SH3D21: variants seen among roughly 807,000 people sequenced by gnomAD.
SH3D21 encodes the protein manchette microtubule inner protein 1, also known as SH3 domain-containing protein 21.
Under a neutral mutation model 82.1 loss-of-function variants are expected in SH3D21, and 83 were observed. That is an observed-to-expected ratio of 1.01 (90% CI 0.85 to 1.21). The LOEUF is 1.21. Ranked by LOEUF, SH3D21 falls within the 50% of genes most tolerant of loss-of-function variation. SH3D21 has a pLI of 0.00. For missense variants in SH3D21, 980 were observed against 962.1 expected, an observed-to-expected ratio of 1.02 and a Z score of -0.25; for synonymous variants, 383 against 387.8, an observed-to-expected ratio of 0.99 and a Z score of 0.15.
rs1290274064 is a variant in SH3D21 at position 36,306,464 on chromosome 1, G to A, written c.4+40G>A. 1.5e-6 allele frequency: 2 copies of A among 1,305,252 alleles called. No homozygotes were observed. Among genetic ancestry groups the A allele is most frequent in the African/African-American group, 1.5e-5 (1 of 65,864 alleles). 80.9% of individuals were successfully genotyped at this position (1,305,252 alleles called of 1,614,324 possible). A position where few individuals can be genotyped will look rare whatever the true frequency, so the allele number is the denominator to read the frequency against. ...TTTGAGGTGGCCTCTCTCTGCAACC[G>A]TGGACATAGCAAGAGCCCACACCAC... On this transcript the variant is annotated intron_variant, in intron 1 of 15. Transcript: ENST00000453908. This position sits in a 1 kb window ranked among gnomAD's most constrained non-coding sequence, Gnocchi z 4.5.
rs78549594 is a variant in SH3D21, at chr1:36,319,622, C to T, written c.1012-53C>T. 38 of 1,548,256 alleles carry T rather than the reference C, an allele frequency of 2.5e-5. No individual in the cohort carries two copies. The African/African-American group carries it at 3.6e-4, about 15-fold the overall frequency. On this transcript the variant is annotated intron_variant, in intron 13 of 15. Coordinates refer to ENST00000453908, the MANE Select transcript of SH3D21 (RefSeq NM_001162530.2). Reference sequence around the variant, plus strand: ...GTGTGCACGGGTGAAGTCTCCCAGGCCAAGGGGAACCAGACTCAACCTCAG... The same window carrying T: ...GTGTGCACGGGTGAAGTCTCCCAGGTCAAGGGGAACCAGACTCAACCTCAG...
intron 9 of SH3D21, 42 bp downstream of exon 9, chr1:36,308,517 A>G: frequency 2.0e-6 from 3 of 1,525,250 alleles, no homozygotes; most frequent in East Asian, 2.5e-5. Context: ...GGGGCAGGCT[A>G]TTTTGGACAA....
downstream of SH3D21, among the ~76,000 whole-genome samples, chr1:36,325,541 T>G (rs186447309): frequency 5.9e-4 from 89 of 152,110 alleles, no homozygotes; most frequent in East Asian, 1.7e-3. Flanking sequence ...CAGTTTTTTT[T>G]TTGTTGTTTG....
intron 10 of SH3D21, among the ~76,000 whole-genome samples, chr1:36,310,114 T>C (rs1175669425): frequency 6.6e-6 from 1 of 151,544 alleles, no homozygotes; most frequent in Admixed American, 6.6e-5. Context: ...GCCACCACGC[T>C]CAGCTAATTT....
Position 36,311,613 on chromosome 1 carries a change from T to G in SH3D21, c.769+2023T>G, listed in dbSNP as rs557351702. On this transcript the variant is annotated intron_variant, in intron 10 of 15. Coordinates refer to ENST00000453908, the MANE Select transcript of SH3D21 (RefSeq NM_001162530.2). ...GTAGTGATTTTAATGAGTGATACAA[T>G]TATACCTTTTTCCCTATGGACAATG... Among the ~76,000 whole-genome samples, 414 of 152,350 alleles carry G rather than the reference T, an allele frequency of 2.7e-3. 4 individuals are homozygous for G. The highest frequency in any genetic ancestry group is 9.4e-3 in the African/African-American group (393 of 41,590).
intron 10 of SH3D21, among the ~76,000 whole-genome samples, chr1:36,313,617 G>A (rs1646282204): frequency 6.6e-6 from 1 of 152,010 alleles, no homozygotes. Context: ...TGTTGCCTAG[G>A]CTGGAGTGTG....
chr1:36,318,939 A>ATAATAC, intron 10 of SH3D21, 132 bp from the exon 11 acceptor site: 1 of 341,246 alleles, frequency 2.9e-6, no homozygotes, highest in Non-Finnish European at 5.3e-6. Context: ...AATAATAATA[A>ATAATAC]TACAAAAATT....
At position 36,319,777 on chromosome 1, in the gene SH3D21, C is replaced by G; in HGVS notation, c.1114C>G (p.Pro372Ala). Residue 372 changes from proline (P) to alanine (A), a missense_variant, in exon 14 of 16, where the codon CCC (proline) becomes GCC (alanine). Pro to Ala is a conservative substitution (Grantham distance 27). Transcript: ENST00000453908. Reference sequence around the variant, plus strand: ...GAGGCCCCCAGCTCCAGAGAACGCCCCCAGCTCCAAGAAGATCCCGGCTCC... The same window carrying G: ...GAGGCCCCCAGCTCCAGAGAACGCCGCCAGCTCCAAGAAGATCCCGGCTCC... Reference protein sequence around the residue: ...PERPPAPENAPSSKKIPAPDK... With the variant: ...PERPPAPENAASSKKIPAPDK... The G allele has an allele frequency of 6.2e-7, 1 of 1,613,480 alleles. No homozygotes were observed. Among genetic ancestry groups the G allele is most frequent in the Non-Finnish European group, 8.5e-7 (1 of 1,179,774 alleles).
chr1:36,319,537 G>A lies in SH3D21; in HGVS notation c.1011+1G>A. The stretch of plus-strand genomic sequence containing the variant: ...CCAGCAACGCTCTGTGTCCAGTCAG[G>A]TGAGGGGCGGGAGACATGGGAGAGT... On this transcript the variant is annotated splice_donor_variant, in intron 13 of 15. Transcript: ENST00000453908. LOFTEE classifies it high-confidence loss of function. The A allele has an allele frequency of 1.3e-6, 2 of 1,551,758 alleles. No individual in the cohort carries two copies. Among genetic ancestry groups the A allele is most frequent in the Admixed American group, 2.0e-5 (1 of 50,998 alleles).
At position 36,320,647 on chromosome 1, in the gene SH3D21, C is replaced by T. The variant is rs1646436911; in HGVS notation, c.1984C>T (p.Pro662Ser). 1 of 1,614,146 alleles carries T rather than the reference C, an allele frequency of 6.2e-7. No individual in the cohort carries two copies. The highest frequency in any genetic ancestry group is 1.7e-5 in the Admixed American group (1 of 60,010). ...AFAQKTRPIK[P>S]PPDSQETLAL... ...TGCCCAAAAAACACGTCCTATCAAG[C>T]CGCCTCCAGACTCCCAAGAGACGCT... Residue 662 changes from proline to serine, a missense_variant, in exon 14 of 16, where the codon CCG becomes TCG. Coordinates refer to ENST00000453908, the MANE Select transcript of SH3D21 (RefSeq NM_001162530.2).
chr1:36,320,857 C>G, intron 14 of SH3D21, 58 bp from the exon 15 acceptor site: 1 of 1,550,414 alleles, frequency 6.4e-7, no homozygotes, highest in East Asian at 2.4e-5. Flanking sequence ...CTCACCTGCG[C>G]AGCCCCTCAC....
Position 36,307,978 on chromosome 1 carries a change from A to T in SH3D21, c.538+15A>T. On this transcript the variant is annotated intron_variant, in intron 7 of 15. Transcript: ENST00000453908. The surrounding 1 kb of genome is among the most constrained non-coding windows in gnomAD (Gnocchi z 5.4). Reference sequence around the variant, plus strand: ...CCTGCAGACAGGTGAGCACCCATCCAAAGGGTCCCCCACTCCCTCAGCCAC... The same window carrying T: ...CCTGCAGACAGGTGAGCACCCATCCTAAGGGTCCCCCACTCCCTCAGCCAC... 1 of 1,551,590 alleles carries T rather than the reference A, an allele frequency of 6.4e-7. No homozygotes were observed. Among genetic ancestry groups the T allele is most frequent in the Non-Finnish European group, 8.7e-7 (1 of 1,146,986 alleles).
downstream of SH3D21, chr1:36,324,873 C>T (rs1479321526): frequency 6.6e-6 from 1 of 152,138 alleles, no homozygotes. Flanking sequence ...TCTGTGCAGC[C>T]ACTAGTCAAC....
At chr1:36,321,835 G>A, downstream of SH3D21, 1 of 1,017,264 alleles carries the variant, frequency 9.8e-7, no homozygotes, top group African/African-American at 1.7e-5. The surrounding 1 kb of genome is among the most constrained non-coding windows in gnomAD (Gnocchi z 6.1). Context: ...GTGTGAGGCT[G>A]GGTGCAGGCC....
chr1:36,314,191 G>A (rs1027618449), intron 10 of SH3D21, among the ~76,000 whole-genome samples: 1 of 150,502 alleles, frequency 6.6e-6, no homozygotes, highest in Admixed American at 6.6e-5. Flanking sequence ...TAGCCAGGAT[G>A]GTCTCGATCT....
In SH3D21 at chr1:36,321,203, C is replaced by T; in HGVS notation, c.*76C>T. ...TCCTTGCACACGACTTTGGGAAACG[C>T]GAGAAAGTAAACTCTGCCTAGCACG... On this transcript the variant is annotated 3_prime_UTR_variant, in exon 16 of 16. Coordinates refer to ENST00000453908, the MANE Select transcript of SH3D21 (RefSeq NM_001162530.2). This position sits in a 1 kb window ranked among gnomAD's most constrained non-coding sequence, Gnocchi z 6.1. The T allele has an allele frequency of 6.4e-7, 1 of 1,550,926 alleles. No individual in the cohort carries two copies. Among genetic ancestry groups the T allele is most frequent in the Non-Finnish European group, 8.7e-7 (1 of 1,148,250 alleles).
downstream of SH3D21, chr1:36,323,047 G>A (rs763549976): frequency 2.4e-5 from 39 of 1,600,268 alleles, 1 homozygote; most frequent in South Asian, 3.9e-4. Flanking sequence ...TGCTGCTCTG[G>A]GGGGCAGCTC....
downstream of SH3D21, chr1:36,322,012 A>G: frequency 8.0e-7 from 1 of 1,246,328 alleles, no homozygotes; most frequent in Non-Finnish European, 1.0e-6. Context: ...GGCAGGAGTA[A>G]CAGAGGGAGA....
chr1:36,311,302 G>A (rs1336642454), intron 10 of SH3D21, among the ~76,000 whole-genome samples: 1 of 151,432 alleles, frequency 6.6e-6, no homozygotes, highest in Non-Finnish European at 1.5e-5. Context: ...ATGCAGTGGC[G>A]CAATCTGGGC....
Sources: gnomAD v4.1 joint callset for allele counts (sites outside exome capture counted in the v4.1 genomes callset) on GRCh38, gnomAD v4.1.1 for gene constraint, Gnocchi (gnomAD v3.1) non-coding constraint, MANE v1.5 for transcripts, NCBI Gene and HGNC (gene_info 2026-07-23, HGNC 2026-07-21) for gene names.